PTPRD: variants seen among roughly 807,000 people sequenced by gnomAD.
The protein encoded by PTPRD is protein tyrosine phosphatase receptor type D, also known as receptor-type tyrosine-protein phosphatase delta.
A neutral mutation model predicts 214.5 loss-of-function variants in PTPRD; 34 were observed. The ratio of observed to expected loss-of-function variants is 0.16; its 90% confidence interval spans 0.12 to 0.21. The LOEUF (loss-of-function observed/expected upper bound fraction) is 0.21. Among genes scored for constraint, PTPRD ranks in the 10% least tolerant of loss-of-function variants. The probability of loss-of-function intolerance (pLI) is 1.00; values close to 1 mark genes in which losing one functional copy is unlikely to be tolerated. For missense variants in PTPRD, 2,545 were observed against 2,398.7 expected, an observed-to-expected ratio of 1.06 and a Z score of -1.27; for synonymous variants, 1,128 against 845.7, an observed-to-expected ratio of 1.33 and a Z score of -5.79.
intron 2 of PTPRD, among the ~76,000 whole-genome samples, chr9:10,378,001 G>C (rs1042589288): frequency 1.2e-4 from 18 of 152,000 alleles, no homozygotes; most frequent in African/African-American, 4.3e-4. Flanking sequence ...CTCCATAGTG[G>C]TCGTATTAAT....
chr9:9,167,826 T>C (rs2099907188), intron 10 of PTPRD, among the ~76,000 whole-genome samples: 1 of 152,154 alleles, frequency 6.6e-6, no homozygotes, highest in African/African-American at 2.4e-5. Context: ...ATTTTTATCC[T>C]GAATTTTAAA....
intron 9 of PTPRD, among the ~76,000 whole-genome samples, chr9:9,209,052 C>A (rs1418049002): frequency 6.6e-6 from 1 of 152,064 alleles, no homozygotes; most frequent in African/African-American, 2.4e-5. Flanking sequence ...TCGTGATCGG[C>A]CCGCCTTGGC....
At chr9:9,834,748 T>C (rs1040583990) in intron 5 of PTPRD, among the ~76,000 whole-genome samples, 1 of 152,006 alleles carries the variant, frequency 6.6e-6, no homozygotes, top group Non-Finnish European at 1.5e-5. Flanking sequence ...GGATGGTGAT[T>C]CCTATTGCAT....
chr9:8,437,142 A>C, intron 34 of PTPRD: 1 of 1,235,404 alleles, frequency 8.1e-7, no homozygotes, highest in African/African-American at 1.5e-5. Flanking sequence ...AAAGGGAAAG[A>C]GTAGTAGCTT....
chr9:10,417,656 T>C (rs1342905876), intron 2 of PTPRD, among the ~76,000 whole-genome samples: 1 of 151,724 alleles, frequency 6.6e-6, no homozygotes, highest in Admixed American at 6.6e-5. Context: ...GTAATGCATG[T>C]TATTACTTAA....
At position 9,183,363 on chromosome 9, in the gene PTPRD, C is replaced by T. The variant is rs1172737518; in HGVS notation, c.-202G>A. Reference sequence around the variant, plus strand: ...GTCCCTGGCCTCAAGAAGTTCAAAACCTAATTATAAAGATAGAAAGTAACA... The same window carrying T: ...GTCCCTGGCCTCAAGAAGTTCAAAATCTAATTATAAAGATAGAAAGTAACA... On this transcript the variant is annotated splice_region_variant and 5_prime_UTR_variant, in exon 10 of 46. Transcript: ENST00000381196. The T allele has an allele frequency of 1.3e-5, 2 of 151,860 alleles. No homozygotes were observed. Among genetic ancestry groups the T allele is most frequent in the African/African-American group, 4.8e-5 (2 of 41,378 alleles). The allele number at this position is 151,860 out of a possible 1,614,324, so 9.4% of individuals were successfully genotyped here.
At chr9:9,963,061 T>A (rs1418690359) in intron 4 of PTPRD, among the ~76,000 whole-genome samples, 1 of 152,044 alleles carries the variant, frequency 6.6e-6, no homozygotes, top group African/African-American at 2.4e-5. Context: ...TAGGGATGTA[T>A]AAGAGATTTA....
chr9:8,401,337 G>C (rs2092358952), intron 36 of PTPRD, among the ~76,000 whole-genome samples: 1 of 151,802 alleles, frequency 6.6e-6, no homozygotes, highest in African/African-American at 2.4e-5. Context: ...CGAGTTTTTT[G>C]TAGAAAATAT....
chr9:9,587,867 G>A (rs751165854), intron 7 of PTPRD, among the ~76,000 whole-genome samples: 1 of 151,954 alleles, frequency 6.6e-6, no homozygotes, highest in African/African-American at 2.4e-5. Context: ...GTTGGAATTG[G>A]AGGATAAAGA....
At chr9:9,888,367 T>A (rs2071790318) in intron 5 of PTPRD, among the ~76,000 whole-genome samples, 1 of 152,184 alleles carries the variant, frequency 6.6e-6, no homozygotes, top group African/African-American at 2.4e-5. Context: ...ACTGCCATCA[T>A]ATTGTGAGGC....
At chr9:8,409,475 T>G (rs987175385) in intron 35 of PTPRD, among the ~76,000 whole-genome samples, 1 of 152,182 alleles carries the variant, frequency 6.6e-6, no homozygotes, top group Non-Finnish European at 1.5e-5. Context: ...ACTGCTGAAC[T>G]CTATTTGTAA....
At chr9:10,046,424 T>C (rs2097397261) in intron 3 of PTPRD, among the ~76,000 whole-genome samples, 1 of 151,884 alleles carries the variant, frequency 6.6e-6, no homozygotes, top group Non-Finnish European at 1.5e-5. Flanking sequence ...TAGAAAAATA[T>C]GGACGTTTAA....
intron 3 of PTPRD, among the ~76,000 whole-genome samples, chr9:10,304,250 A>T (rs1241473073): frequency 1.3e-5 from 2 of 152,196 alleles, no homozygotes; most frequent in Admixed American, 1.3e-4. Flanking sequence ...CTAGGTACTG[A>T]CGGAATGTAT....
At chr9:10,328,908 T>G (rs1023856406) in intron 3 of PTPRD, among the ~76,000 whole-genome samples, 3 of 151,750 alleles carry the variant, frequency 2.0e-5, no homozygotes, top group Non-Finnish European at 2.9e-5. Flanking sequence ...GCACCTTTGT[T>G]AACATGGCCT....
intron 8 of PTPRD, among the ~76,000 whole-genome samples, chr9:9,488,694 T>C (rs2095765800): frequency 6.6e-6 from 1 of 152,164 alleles, no homozygotes; most frequent in Non-Finnish European, 1.5e-5. Flanking sequence ...ATGTAAACAT[T>C]TTGGAACTCT....
intron 10 of PTPRD, among the ~76,000 whole-genome samples, chr9:9,132,171 C>A (rs955527769): frequency 1.3e-5 from 2 of 152,116 alleles, no homozygotes; most frequent in East Asian, 3.9e-4. Context: ...CCATACCTGG[C>A]TAATTTTTTG....
chr9:9,397,327 A>G (rs1008407852), intron 9 of PTPRD, 122 bp downstream of exon 9: 2 of 152,286 alleles, frequency 1.3e-5, no homozygotes, highest in Non-Finnish European at 2.9e-5. Context: ...TGCCTAATGA[A>G]CTGCCAGAAG....
chr9:10,057,841 C>CAA (rs1315155697), intron 3 of PTPRD, among the ~76,000 whole-genome samples: 1 of 70,212 alleles, frequency 1.4e-5, no homozygotes, highest in African/African-American at 9.0e-5. Context: ...GACTCCGTCT[C>CAA]AAAAAAAAAC....
intron 9 of PTPRD, among the ~76,000 whole-genome samples, chr9:9,264,324 A>G (rs1390515561): frequency 6.6e-6 from 1 of 151,664 alleles, no homozygotes; most frequent in Non-Finnish European, 1.5e-5. Context: ...TTAATAAAGA[A>G]AGAGATAGAA....
Sources: gnomAD v4.1 joint callset for allele counts (sites outside exome capture counted in the v4.1 genomes callset) on GRCh38, gnomAD v4.1.1 for gene constraint, MANE v1.5 for transcripts, NCBI Gene and HGNC (gene_info 2026-07-23, HGNC 2026-07-21) for gene names.